The following UTP4 variants were observed in gnomAD, a reference collection of about 807,000 sequenced individuals.
UTP4 encodes U3 small nucleolar RNA-associated protein 4 homolog.
UTP4 carries 45 observed loss-of-function variants against 82.4 expected under a neutral mutation model. The observed-to-expected ratio is 0.55, with a 90% confidence interval of 0.43 to 0.70. UTP4 has a LOEUF of 0.70. Among genes scored for constraint, UTP4 ranks in the 30% least tolerant of loss-of-function variants. UTP4 has a pLI of 0.00. For synonymous variants in UTP4, 348 were observed against 300.3 expected (o/e 1.16, Z -1.64); for missense variants, 819 against 858.3 (o/e 0.95, Z 0.57).
chr16:69,133,662 C>T (rs142660120), intron 2 of UTP4, 44 bp downstream of exon 2: 1 of 1,591,918 alleles, frequency 6.3e-7, no homozygotes, highest in African/African-American at 1.3e-5. Context: ...ATGTTAATTT[C>T]TTCTGAAGTT....
chr16:69,136,073 G>A (rs1044659755), intron 2 of UTP4, among the ~76,000 whole-genome samples: 2 of 152,204 alleles, frequency 1.3e-5, no homozygotes, highest in African/African-American at 2.4e-5. Flanking sequence ...TGAGCTAGGA[G>A]TAAGGAGACC....
chr16:69,151,403 G>A (rs1376634935), intron 8 of UTP4, among the ~76,000 whole-genome samples: 5 of 148,432 alleles, frequency 3.4e-5, no homozygotes, highest in Non-Finnish European at 4.5e-5. Flanking sequence ...CTCACTGCAA[G>A]CTCCGCCTCC....
chr16:69,135,905 T>TTTAA (rs1374698818), intron 2 of UTP4, among the ~76,000 whole-genome samples: 2 of 152,062 alleles, frequency 1.3e-5, no homozygotes, highest in African/African-American at 4.8e-5. Flanking sequence ...GGCACATGCC[T>TTTAA]GTAATCCCAG....
At chr16:69,146,087 ACT>A (rs909552057) in intron 6 of UTP4, among the ~76,000 whole-genome samples, 2 of 148,654 alleles carry the variant, frequency 1.3e-5, no homozygotes, top group Non-Finnish European at 3.0e-5. Context: ...GGCAACAGAG[ACT>A]CTGTCTCAAA....
rs114552568 is a variant in UTP4, at chr16:69,147,518, A to C, written c.739-3019A>C. 4.9e-3 allele frequency among the ~76,000 whole-genome samples: 748 copies of C among 152,208 alleles called. 3 individuals are homozygous for C. Among genetic ancestry groups the C allele is most frequent in the African/African-American group, 0.018 (729 of 41,518 alleles). Reference sequence around the variant, plus strand: ...AGACTCTGTCTCCAAACAAACAAACAAACAAAAAATAATAATGCTACTCTG... The same window carrying C: ...AGACTCTGTCTCCAAACAAACAAACCAACAAAAAATAATAATGCTACTCTG... On this transcript the variant is annotated intron_variant, in intron 6 of 16. Transcript: ENST00000314423.
At chr16:69,162,968 A>G (rs1278676729) in intron 13 of UTP4, 115 bp from the exon 14 acceptor site, 3 of 855,824 alleles carry the variant, frequency 3.5e-6, no homozygotes, top group Non-Finnish European at 6.1e-6. Context: ...GAACTTCCCT[A>G]GAACCCTTTT....
chr16:69,136,438 G>A (rs1416817762), intron 2 of UTP4, among the ~76,000 whole-genome samples: 1 of 152,210 alleles, frequency 6.6e-6, no homozygotes, highest in Non-Finnish European at 1.5e-5. Context: ...CTGTCGTCCA[G>A]GCTGGAATGC....
chr16:69,160,205 C>A, intron 12 of UTP4, 151 bp from the exon 13 acceptor site: 1 of 740,752 alleles, frequency 1.3e-6, no homozygotes, highest in Non-Finnish European at 2.5e-6. Flanking sequence ...GAAACATTAA[C>A]ATCTAGAAGT....
intron 6 of UTP4, 62 bp from the exon 7 acceptor site, chr16:69,150,475 A>G: frequency 6.3e-7 from 1 of 1,583,118 alleles, no homozygotes; most frequent in Non-Finnish European, 8.7e-7. Flanking sequence ...AAGCCTCGGA[A>G]TATTTTTCCA....
intron 4 of UTP4, among the ~76,000 whole-genome samples, chr16:69,138,293 G>A (rs948336404): frequency 4.7e-5 from 7 of 150,480 alleles, no homozygotes; most frequent in African/African-American, 7.4e-5. Context: ...TGGCAGTGGC[G>A]GTGGCATGAT....
At chr16:69,138,730 C>T (rs1196397657) in intron 4 of UTP4, among the ~76,000 whole-genome samples, 1 of 152,184 alleles carries the variant, frequency 6.6e-6, no homozygotes, top group Admixed American at 6.5e-5. Flanking sequence ...TGTCTGCCAA[C>T]TCTGTCAGTG....
intron 8 of UTP4, among the ~76,000 whole-genome samples, chr16:69,152,000 T>G (rs924465768): frequency 3.3e-5 from 5 of 150,994 alleles, no homozygotes; most frequent in African/African-American, 9.8e-5. Context: ...TTTATACATA[T>G]GTTATAGATA....
Position 69,165,436 on chromosome 16 carries a change from T to G in UTP4, c.1743T>G (p.Thr581=). 1 of 1,613,966 alleles carries G rather than the reference T, an allele frequency of 6.2e-7. No individual in the cohort carries two copies. The highest frequency in any genetic ancestry group is 8.5e-7 in the Non-Finnish European group (1 of 1,179,886). ...GFHHLWLQRD[T]PITHISFHPK... Reference sequence around the variant, plus strand: ...ACCACCTTTGGCTCCAAAGGGATACTCCTATCACACACATCAGTTTTCATC... The same window carrying G: ...ACCACCTTTGGCTCCAAAGGGATACGCCTATCACACACATCAGTTTTCATC... The change falls in exon 15 of 17, where the codon ACT becomes ACG. Residue 581 remains threonine (T), a synonymous_variant. Coordinates refer to ENST00000314423, the MANE Select transcript of UTP4 (RefSeq NM_032830.3).
chr16:69,148,810 T>A (rs1440279956), intron 6 of UTP4, among the ~76,000 whole-genome samples: 1 of 152,016 alleles, frequency 6.6e-6, no homozygotes, highest in Non-Finnish European at 1.5e-5. Flanking sequence ...CTCACTATGT[T>A]GCCCAGGTTG....
intron 10 of UTP4, among the ~76,000 whole-genome samples, chr16:69,155,155 A>G (rs903645119): frequency 6.6e-6 from 1 of 151,832 alleles, no homozygotes; most frequent in Non-Finnish European, 1.5e-5. Flanking sequence ...TTGTTTGGTT[A>G]GTTGGTTGGT....
intron 15 of UTP4, chr16:69,165,841 G>A (rs903474494): frequency 3.1e-5 from 15 of 476,582 alleles, no homozygotes; most frequent in Admixed American, 3.0e-4. Flanking sequence ...GCCAGTATTC[G>A]GAAGGTGACC....
chr16:69,145,468 G>A (rs1023802913), intron 6 of UTP4, among the ~76,000 whole-genome samples: 4 of 151,980 alleles, frequency 2.6e-5, no homozygotes, highest in African/African-American at 9.7e-5. Flanking sequence ...ACCATGGCTG[G>A]TTTTGAACTC....
chr16:69,157,292 C>CT (rs113404270), intron 12 of UTP4, 52 bp downstream of exon 12: 11 of 1,593,570 alleles, frequency 6.9e-6, no homozygotes, highest in Non-Finnish European at 7.7e-6. Context: ...TAAGATGTAA[C>CT]TTTTTTGCTT....
chr16:69,137,032 A>T (rs2152276657), intron 3 of UTP4, 145 bp downstream of exon 3: 3 of 759,276 alleles, frequency 4.0e-6, no homozygotes, highest in South Asian at 1.4e-5. Context: ...TGAAGATTTT[A>T]AAAATCCCCA....
Sources: gnomAD v4.1 joint callset for allele counts (sites outside exome capture counted in the v4.1 genomes callset) on GRCh38, gnomAD v4.1.1 for gene constraint, MANE v1.5 for transcripts, NCBI Gene and HGNC (gene_info 2026-07-23, HGNC 2026-07-21) for gene names.